DMRT1: variants seen among roughly 807,000 people sequenced by gnomAD.
DMRT1 encodes doublesex and mab-3 related transcription factor 1, also known as doublesex- and mab-3-related transcription factor 1.
In DMRT1, 7 loss-of-function variants were observed where a neutral mutation model predicts 32.3. The observed-to-expected ratio is 0.22, with a 90% CI of 0.12 to 0.41. The LOEUF (loss-of-function observed/expected upper bound fraction) is 0.41, where lower values mean the gene tolerates loss of function less well. Ranked by LOEUF, DMRT1 falls within the 10% of genes least tolerant of loss-of-function variation. The pLI is 1.00. For synonymous variants in DMRT1, 278 were observed against 206.1 expected, an observed-to-expected ratio of 1.35 and a Z score of -2.99; for missense variants, 625 against 500.5, an observed-to-expected ratio of 1.25 and a Z score of -2.37.
At chr9:931,508 C>T (rs980331285) in intron 4 of DMRT1, among the ~76,000 whole-genome samples, 1 of 152,204 alleles carries the variant, frequency 6.6e-6, no homozygotes, top group African/African-American at 2.4e-5. Context: ...CAAAAAGGCA[C>T]AGACTAGGTG....
intron 4 of DMRT1, among the ~76,000 whole-genome samples, chr9:923,004 G>C (rs186330853): frequency 6.6e-6 from 1 of 152,078 alleles, no homozygotes; most frequent in East Asian, 1.9e-4. Flanking sequence ...ACAACTTTTC[G>C]AATCCATCTG....
intron 3 of DMRT1, among the ~76,000 whole-genome samples, chr9:900,494 ACT>A (rs1447284597): frequency 2.6e-5 from 4 of 151,700 alleles, no homozygotes; most frequent in African/African-American, 7.3e-5. Flanking sequence ...TGGCCAGAGC[ACT>A]CTCTGCAGCT....
chr9:943,762 A>G (rs543870451), intron 4 of DMRT1, among the ~76,000 whole-genome samples: 18 of 152,344 alleles, frequency 1.2e-4, no homozygotes, highest in African/African-American at 4.3e-4. Flanking sequence ...GAAGGACCCC[A>G]TTCTCAAGAG....
rs111837926 is a variant in DMRT1 at position 924,195 on chromosome 9, C to A, written c.967+7288C>A. 2.8e-3 allele frequency among the ~76,000 whole-genome samples: 423 copies of A among 152,006 alleles called. 2 individuals carry two copies. Among genetic ancestry groups the A allele is most frequent in the African/African-American group, 9.7e-3 (402 of 41,434 alleles). ...CAAGCAATTCTCCTACCTCAGCCTC[C>A]TGAGAAGCTGGGATTACAGGGGTGC... On this transcript the variant is annotated intron_variant, in intron 4 of 4. Coordinates refer to ENST00000382276, the MANE Select transcript of DMRT1 (RefSeq NM_021951.3).
At chr9:954,901 A>G (rs900707908) in intron 4 of DMRT1, among the ~76,000 whole-genome samples, 1 of 152,136 alleles carries the variant, frequency 6.6e-6, no homozygotes, top group African/African-American at 2.4e-5. Flanking sequence ...CGGCCTCCCA[A>G]AGTGCTGGGA....
At chr9:852,044 A>G (rs1186409192) in intron 2 of DMRT1, among the ~76,000 whole-genome samples, 1 of 150,840 alleles carries the variant, frequency 6.6e-6, no homozygotes, top group Non-Finnish European at 1.5e-5. Flanking sequence ...GGTTCAAGAG[A>G]TTCTGGTGCC....
chr9:894,791 G>GTTTTTTTT (rs1231759673), intron 3 of DMRT1: 16 of 147,932 alleles, frequency 1.1e-4, no homozygotes, highest in African/African-American at 2.6e-4. Flanking sequence ...CTCCAAGTTT[G>GTTTTTTTT]TTTTTTTTTT....
rs1204482419 is a variant in DMRT1, at chr9:968,217, C to G, written c.*78C>G. On this transcript the variant is annotated 3_prime_UTR_variant, in exon 5 of 5. Coordinates refer to ENST00000382276, the MANE Select transcript of DMRT1 (RefSeq NM_021951.3). ...TTCCATGGGGTTTGTTAATATTTTG[C>G]ATTGACTCATACTATCTTAACTGTT... 2.6e-6 allele frequency: 4 copies of G among 1,534,588 alleles called. No homozygotes were observed. The highest frequency in any genetic ancestry group is 3.6e-6 in the Non-Finnish European group (4 of 1,122,568).
chr9:928,805 ATT>A (rs1818613884), intron 4 of DMRT1, among the ~76,000 whole-genome samples: 1 of 151,800 alleles, frequency 6.6e-6, no homozygotes, highest in African/African-American at 2.4e-5. Context: ...TTATACTAAA[ATT>A]ATTTGTTTCT....
chr9:851,902 G>GCCC (rs1354108501), intron 2 of DMRT1, among the ~76,000 whole-genome samples: 4 of 151,504 alleles, frequency 2.6e-5, no homozygotes, highest in Non-Finnish European at 5.9e-5. Flanking sequence ...TATTGCTGTT[G>GCCC]CTTGTACCAG....
In DMRT1 at chr9:894,125, C is replaced by A. The variant is rs150438352; in HGVS notation, c.752C>A (p.Ser251Tyr). ...GAGGTGGGAAATCCCCTCGGGGGAT[C>A]CCCTGTGAAGAACAGCCTTCGGGGC... ...SGEVGNPLGG[S>Y]PVKNSLRGLP... Residue 251 changes from serine to tyrosine, a missense_variant, in exon 3 of 5, where the codon TCC (serine) becomes TAC (tyrosine). This residue lies in a region of DMRT1 where 416 missense variants were observed against 321.6 expected (regional missense o/e 1.29). Transcript: ENST00000382276. The A allele has an allele frequency of 6.2e-7, 1 of 1,614,230 alleles. No homozygotes were observed.
chr9:943,107 G>C (rs1819131680), intron 4 of DMRT1, among the ~76,000 whole-genome samples: 1 of 152,156 alleles, frequency 6.6e-6, no homozygotes, highest in South Asian at 2.1e-4. Flanking sequence ...AGCATATCAG[G>C]TTGTTATTCC....
At chr9:911,483 T>G (rs1430232174) in intron 3 of DMRT1, among the ~76,000 whole-genome samples, 24 of 72,884 alleles carry the variant, frequency 3.3e-4, no homozygotes, top group African/African-American at 1.9e-3. Flanking sequence ...TTTTTTTTTT[T>G]TTTTTTTTTT....
intron 4 of DMRT1, among the ~76,000 whole-genome samples, chr9:934,773 T>C (rs1209985295): frequency 6.6e-6 from 1 of 152,206 alleles, no homozygotes; most frequent in East Asian, 1.9e-4. Flanking sequence ...ATGGTCTTGG[T>C]GCCAAGAGGA....
chr9:949,904 C>T (rs1333901178), intron 4 of DMRT1, among the ~76,000 whole-genome samples: 1 of 152,204 alleles, frequency 6.6e-6, no homozygotes, highest in Non-Finnish European at 1.5e-5. Context: ...CTTTTTAAGG[C>T]TGAATAATAT....
intron 3 of DMRT1, among the ~76,000 whole-genome samples, chr9:911,193 C>T (rs912900426): frequency 9.2e-5 from 14 of 152,226 alleles, no homozygotes; most frequent in Non-Finnish European, 1.6e-4. Context: ...CAGCAGCATC[C>T]CTGACCTTGA....
intron 2 of DMRT1, among the ~76,000 whole-genome samples, chr9:888,057 T>C (rs1161133651): frequency 1.3e-5 from 2 of 152,224 alleles, no homozygotes; most frequent in African/African-American, 2.4e-5. Flanking sequence ...AAATTTTGAC[T>C]CTGCAATGTT....
At chr9:881,294 A>AT (rs1232369916) in intron 2 of DMRT1, among the ~76,000 whole-genome samples, 1 of 152,230 alleles carries the variant, frequency 6.6e-6, no homozygotes, top group Non-Finnish European at 1.5e-5. Flanking sequence ...AATAAATTGA[A>AT]CTAGGTATAA....
chr9:918,329 C>G (rs1483708116), intron 4 of DMRT1, among the ~76,000 whole-genome samples: 1 of 152,226 alleles, frequency 6.6e-6, no homozygotes. Context: ...GAGCTTCTTA[C>G]ACCAGGAATA....
Sources: gnomAD v4.1 joint callset for allele counts (sites outside exome capture counted in the v4.1 genomes callset) on GRCh38, gnomAD v4.1.1 for gene constraint, gnomAD v4.1.1 regional missense constraint, MANE v1.5 for transcripts, NCBI Gene and HGNC (gene_info 2026-07-23, HGNC 2026-07-21) for gene names.